Variants in ITGAV observed in about 807,000 individuals in gnomAD.
ITGAV encodes the protein integrin alpha-V.
A neutral mutation model predicts 143.8 loss-of-function variants in ITGAV; 76 were observed. That is an observed-to-expected ratio of 0.53 (90% CI 0.44 to 0.64). The LOEUF (loss-of-function observed/expected upper bound fraction) is 0.64, where lower values mean the gene tolerates loss of function less well. ITGAV is among the 30% of genes least tolerant of loss of function. The pLI is 0.00. For synonymous variants in ITGAV, 453 were observed against 446.7 expected (o/e 1.01, Z -0.18); for missense variants, 1,193 against 1,274.7 (o/e 0.94, Z 0.98).
chr2:186,647,738 G>A (rs1439737916), intron 13 of ITGAV, among the ~76,000 whole-genome samples: 1 of 152,038 alleles, frequency 6.6e-6, no homozygotes, highest in Admixed American at 6.6e-5. Flanking sequence ...TATACACTTT[G>A]GAGCATTATA....
chr2:186,621,527 T>C (rs1173183744), intron 2 of ITGAV, among the ~76,000 whole-genome samples: 1 of 152,164 alleles, frequency 6.6e-6, no homozygotes, highest in Non-Finnish European at 1.5e-5. Context: ...CTTTGTAACT[T>C]TGAAAAAAAA....
chr2:186,668,625 T>C, intron 24 of ITGAV, 137 bp from the exon 25 acceptor site: 1 of 693,950 alleles, frequency 1.4e-6, no homozygotes, highest in African/African-American at 1.8e-5. Flanking sequence ...ATGGTCACAT[T>C]GTAATTAGAG....
At chr2:186,635,516 A>G (rs1687924924) in intron 6 of ITGAV, among the ~76,000 whole-genome samples, 2 of 152,202 alleles carry the variant, frequency 1.3e-5, no homozygotes, top group Non-Finnish European at 1.5e-5. Context: ...ATAAGAGATT[A>G]CTGTGTCCAT....
At chr2:186,677,109 G>A (rs1689235084) in intron 29 of ITGAV, 88 bp from the exon 30 acceptor site, 2 of 1,271,892 alleles carry the variant, frequency 1.6e-6, no homozygotes, top group African/African-American at 1.5e-5. Context: ...CAATTTAAAT[G>A]TTCTTAGTGG....
chr2:186,641,247 G>C, intron 11 of ITGAV, 139 bp from the exon 12 acceptor site: 1 of 657,834 alleles, frequency 1.5e-6, no homozygotes, highest in Non-Finnish European at 2.6e-6. Flanking sequence ...TTTGAAATGA[G>C]TGCTCTGGTA....
Position 186,630,777 on chromosome 2 carries a change from T to A in ITGAV, c.524-20T>A. The A allele has an allele frequency of 7.0e-7, 1 of 1,421,950 alleles. No individual in the cohort carries two copies. The highest frequency in any genetic ancestry group is 2.3e-5 in the East Asian group (1 of 43,796). The allele number at this position is 1,421,950 out of a possible 1,614,324, so 88.1% of individuals were successfully genotyped here. A position where few individuals can be genotyped will look rare whatever the true frequency, so the allele number is the denominator to read the frequency against. On this transcript the variant is annotated intron_variant, in intron 4 of 29. Transcript: ENST00000261023. The stretch of plus-strand genomic sequence containing the variant: ...TGTTTGTTTTTGGGTTTGTGTATAT[T>A]TCCAATCTTTTTATTTTAGAAGATA...
At chr2:186,661,539 G>T (rs535345334) in intron 18 of ITGAV, among the ~76,000 whole-genome samples, 30 of 151,596 alleles carry the variant, frequency 2.0e-4, no homozygotes, top group Admixed American at 1.6e-3. Context: ...TGCAGAAAGA[G>T]TTGGGTTTTT....
At chr2:186,634,889 C>T (rs919688262) in intron 6 of ITGAV, among the ~76,000 whole-genome samples, 3 of 151,974 alleles carry the variant, frequency 2.0e-5, no homozygotes, top group African/African-American at 7.3e-5. Context: ...GATGAGCATG[C>T]CTGGGAACCA....
At chr2:186,659,281 A>C (rs1436948656) in intron 18 of ITGAV, 106 bp downstream of exon 18, 6 of 758,226 alleles carry the variant, frequency 7.9e-6, no homozygotes, top group Non-Finnish European at 1.1e-5. Context: ...ATAGATGTTT[A>C]GTCAAAGTCA....
Position 186,667,744 on chromosome 2 carries a change from G to A in ITGAV, c.2401G>A (p.Asp801Asn), listed in dbSNP as rs1688940082. 6.2e-7 allele frequency: 1 copy of A among 1,610,758 alleles called. No individual in the cohort carries two copies. Among genetic ancestry groups the A allele is most frequent in the African/African-American group, 1.3e-5 (1 of 74,834 alleles). Residue 801 changes from aspartate to asparagine, a missense_variant, in exon 24 of 30, where the codon GAT becomes AAT. Physicochemically the swap from Asp to Asn is conservative, Grantham distance 23 (BLOSUM62 1). Coordinates refer to ENST00000261023, the MANE Select transcript of ITGAV (RefSeq NM_002210.5). ...CAAGGAGAACCCTGAGACTGAAGAAGATGTTGGGCCAGTTGTTCAGCACAT... is the reference window on the plus strand; with the variant it reads ...CAAGGAGAACCCTGAGACTGAAGAAAATGTTGGGCCAGTTGTTCAGCACAT... Reference protein sequence around the residue: ...EHKENPETEEDVGPVVQHIYE... With the variant: ...EHKENPETEENVGPVVQHIYE...
chr2:186,633,199 TAAAG>T (rs1353948590), intron 5 of ITGAV, 126 bp from the exon 6 acceptor site: 1 of 383,394 alleles, frequency 2.6e-6, no homozygotes, highest in Non-Finnish European at 4.6e-6. Flanking sequence ...GGTAATGATA[TAAAG>T]ATACAATACT....
chr2:186,666,631 AT>A lies in ITGAV; in HGVS notation c.2167-70del, dbSNP rs1388538960. ...ACCCCATTTTAGAACATTATTTTTT[AT>A]TTAGACATTGGATTTGAAATTTTGC... On this transcript the variant is annotated intron_variant, in intron 21 of 29. Transcript: ENST00000261023. The A allele has an allele frequency of 4.1e-6, 3 of 726,196 alleles. No individual in the cohort carries two copies. In the African/African-American group the frequency reaches 5.4e-5, roughly 13 times the overall value. 45.0% of individuals were successfully genotyped at this position (726,196 alleles called of 1,614,324 possible). A position where few individuals can be genotyped will look rare whatever the true frequency, so the allele number is the denominator to read the frequency against.
intron 1 of ITGAV, among the ~76,000 whole-genome samples, chr2:186,594,654 A>G (rs1429885272): frequency 1.3e-5 from 2 of 152,156 alleles, no homozygotes; most frequent in African/African-American, 4.8e-5. Context: ...TAAAGCTTCC[A>G]TTGCCAGCAA....
intron 1 of ITGAV, among the ~76,000 whole-genome samples, chr2:186,597,093 A>C (rs897045969): frequency 6.6e-6 from 1 of 152,256 alleles, no homozygotes; most frequent in Non-Finnish European, 1.5e-5. Flanking sequence ...TTTCATGCCT[A>C]TAATGTGCAG....
chr2:186,630,817 C>A lies in ITGAV; in HGVS notation c.544C>A (p.Gln182Lys). 1 of 1,585,104 alleles carries A rather than the reference C, an allele frequency of 6.3e-7. No individual in the cohort carries two copies. The highest frequency in any genetic ancestry group is 1.3e-5 in the African/African-American group (1 of 74,476). The change falls in exon 5 of 30, where the codon CAG (glutamine) becomes AAG (lysine). Residue 182 changes from glutamine to lysine, a missense_variant. Gln to Lys is a moderately conservative substitution (Grantham distance 53). Coordinates refer to ENST00000261023, the MANE Select transcript of ITGAV (RefSeq NM_002210.5). ...CRSQDIDADG[Q>K]GFCQGGFSID... is the part of the protein sequence containing the mutation. ...TTTAGAAGATATTGATGCTGATGGACAGGGATTTTGTCAAGGAGGATTCAG... is the reference window on the plus strand; with the variant it reads ...TTTAGAAGATATTGATGCTGATGGAAAGGGATTTTGTCAAGGAGGATTCAG...
In ITGAV at chr2:186,659,178, A is replaced by G; in HGVS notation, c.1857+3A>G. 1.9e-6 allele frequency: 3 copies of G among 1,587,282 alleles called. No individual in the cohort carries two copies. The highest frequency in any genetic ancestry group is 2.6e-6 in the Non-Finnish European group (3 of 1,167,702). ...CGCCTGCTAACATTAGTCGACAGGTACTGTACTCAGTTTACCACTAATGTG... is the reference window on the plus strand; with the variant it reads ...CGCCTGCTAACATTAGTCGACAGGTGCTGTACTCAGTTTACCACTAATGTG... On this transcript the variant is annotated splice_donor_region_variant and intron_variant, in intron 18 of 29. Coordinates refer to ENST00000261023, the MANE Select transcript of ITGAV (RefSeq NM_002210.5).
intron 2 of ITGAV, among the ~76,000 whole-genome samples, chr2:186,617,660 A>T (rs1687402564): frequency 6.6e-6 from 1 of 152,214 alleles, no homozygotes; most frequent in African/African-American, 2.4e-5. Context: ...TCTCAACTTT[A>T]TTAGAGAAAG....
intron 13 of ITGAV, 60 bp from the exon 14 acceptor site, chr2:186,649,780 T>C (rs1473188622): frequency 4.6e-6 from 5 of 1,094,592 alleles, no homozygotes; most frequent in Non-Finnish European, 6.6e-6. Flanking sequence ...TTTTATAGAA[T>C]GGTATATACA....
chr2:186,661,671 A>G (rs1688749858), intron 18 of ITGAV, among the ~76,000 whole-genome samples: 1 of 148,810 alleles, frequency 6.7e-6, no homozygotes, highest in African/African-American at 2.5e-5. Flanking sequence ...ATCTTGGCTC[A>G]CTGCAACCTC....
Sources: allele counts gnomAD v4.1 joint callset (sites outside exome capture counted in the v4.1 genomes callset), GRCh38; gene constraint gnomAD v4.1.1; transcripts MANE v1.5; gene names NCBI Gene and HGNC (gene_info 2026-07-23, HGNC 2026-07-21).